Variants in STAG1 observed in about 807,000 individuals in gnomAD.
The protein encoded by STAG1 is STAG1 cohesin complex component, also known as cohesin subunit SA-1.
STAG1 carries 26 observed loss-of-function variants against 170.9 expected under a neutral mutation model. The observed-to-expected ratio is 0.15, with a 90% confidence interval of 0.11 to 0.21. The LOEUF (loss-of-function observed/expected upper bound fraction) is 0.21. STAG1 is among the 10% of genes least tolerant of loss of function. The pLI is 1.00. For missense variants in STAG1, 964 were observed against 1,509.5 expected (o/e 0.64, Z 5.99); for synonymous variants, 514 against 497.7 (o/e 1.03, Z -0.44).
intron 12 of STAG1, among the ~76,000 whole-genome samples, chr3:136,467,404 G>A (rs2089494963): frequency 6.6e-6 from 1 of 152,112 alleles, no homozygotes; most frequent in Admixed American, 6.5e-5. Flanking sequence ...GACAGAAAGA[G>A]ACAAAGAAGG....
At chr3:136,451,301 T>C (rs1466211455) in intron 14 of STAG1, among the ~76,000 whole-genome samples, 1 of 152,198 alleles carries the variant, frequency 6.6e-6, no homozygotes, top group African/African-American at 2.4e-5. Context: ...AATATTGCTA[T>C]GAGGCTCGTA....
At chr3:136,455,500 A>G (rs2089083432) in intron 13 of STAG1, among the ~76,000 whole-genome samples, 1 of 152,246 alleles carries the variant, frequency 6.6e-6, no homozygotes, top group African/African-American at 2.4e-5. Flanking sequence ...AGCCCACTCC[A>G]GTTCCATCCC....
chr3:136,688,958 C>A (rs1394323509), intron 1 of STAG1, among the ~76,000 whole-genome samples: 2 of 152,114 alleles, frequency 1.3e-5, no homozygotes, highest in Non-Finnish European at 2.9e-5. Context: ...CTTTGTTCTG[C>A]CAGGAATAAG....
chr3:136,474,724 G>A (rs889218291), intron 10 of STAG1, among the ~76,000 whole-genome samples: 1 of 152,218 alleles, frequency 6.6e-6, no homozygotes, highest in Admixed American at 6.5e-5. Flanking sequence ...AGCGAAAGCT[G>A]AAGTGCCTGT....
chr3:136,704,821 CAAAA>C (rs67207510), intron 1 of STAG1, among the ~76,000 whole-genome samples: 6 of 51,446 alleles, frequency 1.2e-4, no homozygotes, highest in Admixed American at 2.6e-4. Context: ...GTCCCTGTCT[CAAAA>C]AAAAAAAAAA....
chr3:136,687,498 TG>T (rs1942570964), intron 1 of STAG1, among the ~76,000 whole-genome samples: 1 of 152,014 alleles, frequency 6.6e-6, no homozygotes, highest in Non-Finnish European at 1.5e-5. Context: ...TCTGCATAAG[TG>T]GGTCCAAAAA....
intron 1 of STAG1, among the ~76,000 whole-genome samples, chr3:136,679,777 C>G (rs1173356230): frequency 6.6e-6 from 1 of 150,436 alleles, no homozygotes; most frequent in African/African-American, 2.5e-5. Flanking sequence ...TGGTGCACGC[C>G]TGTAATTCCA....
chr3:136,623,400 C>T, intron 2 of STAG1, 152 bp from the exon 3 acceptor site: 2 of 549,488 alleles, frequency 3.6e-6, no homozygotes, highest in South Asian at 2.6e-5. Context: ...AAATGTTATC[C>T]TCCCTTCCTA....
intron 9 of STAG1, among the ~76,000 whole-genome samples, chr3:136,490,134 G>A (rs1307933369): frequency 2.6e-5 from 4 of 152,186 alleles, no homozygotes; most frequent in African/African-American, 4.8e-5. Context: ...TCCACCTCCC[G>A]GGTTCAAGCG....
At chr3:136,476,038 T>A (rs1249589596) in intron 10 of STAG1, among the ~76,000 whole-genome samples, 1 of 152,206 alleles carries the variant, frequency 6.6e-6, no homozygotes, top group Non-Finnish European at 1.5e-5. Context: ...CTAAAGGATA[T>A]CTGGGTAGAT....
intron 21 of STAG1, among the ~76,000 whole-genome samples, chr3:136,415,616 T>C (rs552502789): frequency 1.3e-5 from 2 of 152,244 alleles, no homozygotes; most frequent in South Asian, 4.1e-4. Flanking sequence ...GGCAAGCAGG[T>C]CACTTGAGGT....
chr3:136,606,544 C>A (rs1938949208), intron 3 of STAG1, among the ~76,000 whole-genome samples: 1 of 152,086 alleles, frequency 6.6e-6, no homozygotes, highest in Admixed American at 6.6e-5. Context: ...ATCCAGGATA[C>A]AATATTACAT....
At chr3:136,531,635 T>C (rs1465780809) in intron 6 of STAG1, among the ~76,000 whole-genome samples, 1 of 151,372 alleles carries the variant, frequency 6.6e-6, no homozygotes, top group Non-Finnish European at 1.5e-5. Flanking sequence ...TTGGAAATCA[T>C]CATTCTCAGT....
chr3:136,631,113 C>G, intron 1 of STAG1, 132 bp from the exon 2 acceptor site: 1 of 484,386 alleles, frequency 2.1e-6, no homozygotes, highest in Middle Eastern at 5.7e-4. Context: ...AAACCAATGT[C>G]CACAGATGTT....
At chr3:136,518,611 C>G (rs1443553730) in intron 7 of STAG1, among the ~76,000 whole-genome samples, 1 of 152,072 alleles carries the variant, frequency 6.6e-6, no homozygotes, top group African/African-American at 2.4e-5. Flanking sequence ...ACATTTTATA[C>G]AAGTGAGCCT....
intron 1 of STAG1, among the ~76,000 whole-genome samples, chr3:136,735,616 TTTTA>T (rs1934289530): frequency 6.6e-6 from 1 of 151,974 alleles, no homozygotes; most frequent in Non-Finnish European, 1.5e-5. Context: ...TTTTGCGTTT[TTTTA>T]TTTTTTAGTT....
chr3:136,502,715 G>A lies in STAG1; in HGVS notation c.741C>T (p.Thr247=), dbSNP rs772909226. ...ALNLSIHQDN[T]QRQYEAERNK... is the part of the protein sequence containing the mutation. Reference sequence around the variant, plus strand: ...TTCTCTCGGCTTCATATTGTCTCTGGGTATTATCCTGATGAATACTGAGGT... The same window carrying A: ...TTCTCTCGGCTTCATATTGTCTCTGAGTATTATCCTGATGAATACTGAGGT... Residue 247 remains threonine, a synonymous_variant, in exon 8 of 34, where the codon ACC becomes ACT. Coordinates refer to ENST00000383202, the MANE Select transcript of STAG1 (RefSeq NM_005862.3). 32 of 1,613,074 alleles carry A rather than the reference G, an allele frequency of 2.0e-5. No homozygotes were observed. The highest frequency in any genetic ancestry group is 2.5e-5 in the Non-Finnish European group (30 of 1,179,674).
At position 136,423,064 on chromosome 3, in the gene STAG1, A is replaced by C. The variant is rs2088005918; in HGVS notation, c.1651-20T>G. 6.6e-7 allele frequency: 1 copy of C among 1,523,190 alleles called. No individual in the cohort carries two copies. Among genetic ancestry groups the C allele is most frequent in the Non-Finnish European group, 9.0e-7 (1 of 1,109,188 alleles). The allele number at this position is 1,523,190 out of a possible 1,614,324, so 94.4% of individuals were successfully genotyped here. Reference sequence around the variant, plus strand: ...TAGCACCTAGAAACAAAATCGGAAAAGAAGAAGAGTATTGTGTTAAATTAT... The same window carrying C: ...TAGCACCTAGAAACAAAATCGGAAACGAAGAAGAGTATTGTGTTAAATTAT... On this transcript the variant is annotated intron_variant, in intron 16 of 33. Transcript: ENST00000383202.
chr3:136,434,610 G>C (rs1486067987), intron 15 of STAG1, among the ~76,000 whole-genome samples: 1 of 152,058 alleles, frequency 6.6e-6, no homozygotes, highest in Non-Finnish European at 1.5e-5. Flanking sequence ...TTTGTCATTT[G>C]TTATCAGACT....
Sources: gnomAD v4.1 joint callset for allele counts (sites outside exome capture counted in the v4.1 genomes callset) on GRCh38, gnomAD v4.1.1 for gene constraint, MANE v1.5 for transcripts, NCBI Gene and HGNC (gene_info 2026-07-23, HGNC 2026-07-21) for gene names.